The following SDK1 variants were observed in gnomAD, a reference collection of about 807,000 sequenced individuals.
SDK1 encodes sidekick cell adhesion molecule 1.
Under a neutral mutation model 245.5 loss-of-function variants are expected in SDK1, and 157 were observed. The ratio of observed to expected loss-of-function variants is 0.64; its 90% CI spans 0.56 to 0.73. The LOEUF is 0.73. SDK1 is among the 30% of genes least tolerant of loss of function. SDK1 has a pLI of 0.00. For missense variants in SDK1, 3,583 were observed against 3,002.3 expected, an observed-to-expected ratio of 1.19 and a Z score of -4.52; for synonymous variants, 1,647 against 1,278.5, an observed-to-expected ratio of 1.29 and a Z score of -6.15.
rs535894719 is a variant in SDK1 at position 3,385,438 on chromosome 7, TA to T, written c.298+83555del. 4.7e-4 allele frequency among the ~76,000 whole-genome samples: 72 copies of T among 152,254 alleles called. No homozygotes were observed. The Middle Eastern group carries it at 0.02, about 43-fold the overall frequency. ...CATAAGTAATGAACATAAAAAAATA[TA>T]TTTTTTTACTGTTAGCAGACAATAA... is the stretch of plus-strand genomic sequence containing the variant. On this transcript the variant is annotated intron_variant, in intron 1 of 44. Coordinates refer to ENST00000404826, the MANE Select transcript of SDK1 (RefSeq NM_152744.4).
intron 22 of SDK1, among the ~76,000 whole-genome samples, chr7:4,106,694 T>C (rs761219555): frequency 1.6e-4 from 24 of 152,194 alleles, no homozygotes; most frequent in Non-Finnish European, 3.4e-4. Context: ...TGGCTGCCTC[T>C]TGCTGTGCTT....
chr7:3,918,217 C>A (rs1020420357), intron 5 of SDK1, among the ~76,000 whole-genome samples: 10 of 152,118 alleles, frequency 6.6e-5, no homozygotes, highest in Admixed American at 1.3e-4. Context: ...GGGTTCCCAA[C>A]CCCCCCAGCC....
intron 1 of SDK1, among the ~76,000 whole-genome samples, chr7:3,307,486 A>C (rs1779445440): frequency 6.6e-6 from 1 of 152,226 alleles, no homozygotes; most frequent in African/African-American, 2.4e-5. Flanking sequence ...TTATGTGAAC[A>C]GTGTTGCCAC....
At chr7:4,256,677 G>A (rs1052771952) in intron 44 of SDK1, among the ~76,000 whole-genome samples, 1 of 152,192 alleles carries the variant, frequency 6.6e-6, no homozygotes, top group Non-Finnish European at 1.5e-5. Context: ...CTCGGCCCTG[G>A]CTTCAAGCCA....
Position 4,265,501 on chromosome 7 carries a change from T to C in SDK1, c.*117T>C. 1 of 1,372,310 alleles carries C rather than the reference T, an allele frequency of 7.3e-7. No individual in the cohort carries two copies. Among genetic ancestry groups the C allele is most frequent in the Non-Finnish European group, 9.3e-7 (1 of 1,071,382 alleles). 85.0% of individuals were successfully genotyped at this position (1,372,310 alleles called of 1,614,324 possible). ...GTTTTTGTTTAAAAAGAAAAAAATCTGATAAGTGATGATTTTACCTACTTG... is the reference window on the plus strand; with the variant it reads ...GTTTTTGTTTAAAAAGAAAAAAATCCGATAAGTGATGATTTTACCTACTTG... On this transcript the variant is annotated 3_prime_UTR_variant, in exon 45 of 45. Transcript: ENST00000404826.
chr7:4,127,552 A>T, intron 26 of SDK1, 56 bp downstream of exon 26: 1 of 1,280,930 alleles, frequency 7.8e-7, no homozygotes, highest in Non-Finnish European at 1.1e-6. Flanking sequence ...GGGAAATGGG[A>T]GCATGTGCTA....
At chr7:3,985,145 T>TG (rs147495385) in intron 13 of SDK1, among the ~76,000 whole-genome samples, 1 of 152,214 alleles carries the variant, frequency 6.6e-6, no homozygotes, top group African/African-American at 2.4e-5. Context: ...GGAAGGATCT[T>TG]GGGGCCCACC....
chr7:3,467,197 A>G (rs879663497), intron 1 of SDK1, among the ~76,000 whole-genome samples: 2 of 152,136 alleles, frequency 1.3e-5, no homozygotes, highest in Non-Finnish European at 2.9e-5. Flanking sequence ...TGTAATATGT[A>G]TGTACTACTT....
intron 4 of SDK1, among the ~76,000 whole-genome samples, chr7:3,677,380 G>T (rs1395572641): frequency 6.6e-6 from 1 of 152,180 alleles, no homozygotes; most frequent in Non-Finnish European, 1.5e-5. Context: ...GAGTTTTAAT[G>T]GACTCACAGT....
intron 28 of SDK1, among the ~76,000 whole-genome samples, chr7:4,138,763 G>T (rs945114100): frequency 2.4e-4 from 35 of 148,836 alleles, no homozygotes; most frequent in Non-Finnish European, 3.7e-4. Flanking sequence ...AAAAAAAAGA[G>T]AGAGAAAGAA....
At chr7:4,151,628 A>G (rs1780388655) in intron 30 of SDK1, among the ~76,000 whole-genome samples, 1 of 151,846 alleles carries the variant, frequency 6.6e-6, no homozygotes, top group Admixed American at 6.6e-5. Context: ...CACCACCACC[A>G]CCGCCATCCT....
intron 22 of SDK1, among the ~76,000 whole-genome samples, chr7:4,099,250 G>A (rs1461045486): frequency 6.7e-6 from 1 of 150,186 alleles, no homozygotes; most frequent in Non-Finnish European, 1.5e-5. Context: ...ATTCGGGAAC[G>A]GTGATGCCAA....
At chr7:3,533,839 A>G (rs1402139721) in intron 1 of SDK1, among the ~76,000 whole-genome samples, 4 of 151,600 alleles carry the variant, frequency 2.6e-5, no homozygotes, top group South Asian at 2.1e-4. Flanking sequence ...TATATTCAAT[A>G]TATTTCCTTT....
intron 19 of SDK1, among the ~76,000 whole-genome samples, chr7:4,058,320 A>G (rs1779324155): frequency 6.6e-6 from 1 of 152,098 alleles, no homozygotes; most frequent in Non-Finnish European, 1.5e-5. Flanking sequence ...GAATTTCAGA[A>G]TTTAAAGTTG....
intron 4 of SDK1, among the ~76,000 whole-genome samples, chr7:3,668,195 T>C (rs1316846023): frequency 6.6e-6 from 1 of 152,134 alleles, no homozygotes; most frequent in Non-Finnish European, 1.5e-5. Context: ...AATAATCAGG[T>C]GTTTTGTACA....
At chr7:3,744,386 A>T (rs1403376992) in intron 4 of SDK1, among the ~76,000 whole-genome samples, 1 of 152,314 alleles carries the variant, frequency 6.6e-6, no homozygotes, top group Non-Finnish European at 1.5e-5. Flanking sequence ...TATAAGCATC[A>T]TTTTGGGCAC....
chr7:4,131,447 G>A (rs181266575), intron 27 of SDK1, among the ~76,000 whole-genome samples: 72 of 152,348 alleles, frequency 4.7e-4, no homozygotes, highest in Non-Finnish European at 8.1e-4. Context: ...CAAAATAGGC[G>A]TCATAACACA....
At chr7:3,978,199 C>A (rs759035866) in intron 13 of SDK1, among the ~76,000 whole-genome samples, 1 of 151,972 alleles carries the variant, frequency 6.6e-6, no homozygotes, top group Non-Finnish European at 1.5e-5. Context: ...GATCATCCAT[C>A]GTTGGTATCA....
intron 1 of SDK1, among the ~76,000 whole-genome samples, chr7:3,597,585 A>G (rs1428083253): frequency 6.6e-6 from 1 of 152,216 alleles, no homozygotes; most frequent in Non-Finnish European, 1.5e-5. Context: ...GGAGGAAAAT[A>G]ACCTGCTCTG....
Sources: gnomAD v4.1 joint callset for allele counts (sites outside exome capture counted in the v4.1 genomes callset) on GRCh38, gnomAD v4.1.1 for gene constraint, MANE v1.5 for transcripts, NCBI Gene and HGNC (gene_info 2026-07-23, HGNC 2026-07-21) for gene names.